Variants in FGF13 observed in about 807,000 individuals in gnomAD.
The protein encoded by FGF13 is fibroblast growth factor 13, also known as fibroblast growth factor homologous factor 2.
A neutral mutation model predicts 19.5 loss-of-function variants in FGF13; 2 were observed. That is an observed-to-expected ratio of 0.10 (90% CI 0.04 to 0.32). The LOEUF (loss-of-function observed/expected upper bound fraction) is 0.32. FGF13 is among the 10% of genes least tolerant of loss of function. The pLI is 1.00. For missense variants in FGF13, 113 were observed against 192.7 expected, an observed-to-expected ratio of 0.59 and a Z score of 2.45; for synonymous variants, 72 against 76.9, an observed-to-expected ratio of 0.94 and a Z score of 0.33.
chrX:138,774,126 TA>T (rs1453835407), intron 3 of FGF13, among the ~76,000 whole-genome samples: 2 of 111,586 alleles, frequency 1.8e-5, no homozygotes, highest in Non-Finnish European at 3.8e-5. Flanking sequence ...TAGGTAAGGG[TA>T]TTCCTACCCA....
intron 1 of FGF13, 92 bp downstream of exon 1, chrX:138,710,725 C>T (rs957350157): frequency 1.7e-6 from 2 of 1,151,227 alleles, no homozygotes; most frequent in East Asian, 6.0e-5. Context: ...AGATGGGCCA[C>T]CAACAAACTC....
intron 1 of FGF13, among the ~76,000 whole-genome samples, chrX:139,180,817 T>A (rs952956164): frequency 9.8e-5 from 11 of 111,680 alleles, no homozygotes; most frequent in African/African-American, 2.3e-4. Context: ...TGCCTCCAAA[T>A]ACATCCAGAA....
intron 3 of FGF13, among the ~76,000 whole-genome samples, chrX:138,820,664 T>C (rs2090993979): frequency 8.9e-6 from 1 of 111,986 alleles, no homozygotes; most frequent in South Asian, 3.7e-4. Context: ...AACTTACATC[T>C]GAAGGTAACG....
At chrX:138,876,902 T>A (rs757180220) in intron 1 of FGF13, among the ~76,000 whole-genome samples, 1 of 112,700 alleles carries the variant, frequency 8.9e-6, no homozygotes, top group Non-Finnish European at 1.9e-5. Flanking sequence ...TCAGAAAGGA[T>A]ACAACAAAAG....
chrX:139,000,071 C>T (rs774350681), intron 1 of FGF13, among the ~76,000 whole-genome samples: 1 of 111,872 alleles, frequency 8.9e-6, no homozygotes, highest in South Asian at 3.7e-4. Flanking sequence ...ATAAACAGAA[C>T]CAACAACAAA....
intron 1 of FGF13, among the ~76,000 whole-genome samples, chrX:138,966,646 T>G (rs1290975724): frequency 9.0e-6 from 1 of 111,655 alleles, no homozygotes; most frequent in Non-Finnish European, 1.9e-5. Flanking sequence ...AGATAAGACT[T>G]TGGACTTGGA....
chrX:138,694,374 G>A (rs1312060247), intron 3 of FGF13, among the ~76,000 whole-genome samples: 1 of 110,482 alleles, frequency 9.1e-6, no homozygotes, highest in Non-Finnish European at 1.9e-5. Flanking sequence ...TCCAGAAATT[G>A]CTGCCAGATC....
chrX:138,789,230 G>A (rs1003453004), intron 3 of FGF13, among the ~76,000 whole-genome samples: 13 of 110,262 alleles, frequency 1.2e-4, no homozygotes, highest in Non-Finnish European at 1.9e-4. Context: ...GTGCAATGGC[G>A]TGATCTCAGC....
At chrX:138,846,456 G>A (rs2091184415) in intron 3 of FGF13, among the ~76,000 whole-genome samples, 1 of 111,685 alleles carries the variant, frequency 9.0e-6, no homozygotes, top group Admixed American at 9.5e-5. Flanking sequence ...GAGAGAAGAA[G>A]CAAATAATTT....
At chrX:139,034,540 G>C (rs894198506) in intron 1 of FGF13, among the ~76,000 whole-genome samples, 1 of 111,211 alleles carries the variant, frequency 9.0e-6, no homozygotes, top group Non-Finnish European at 1.9e-5. Flanking sequence ...AGTTGAAAAA[G>C]TAAATAGGGG....
rs748231556 is a variant in FGF13 at position 139,020,273 on chromosome X, T to C, written c.-112-155623A>G. On this transcript the variant is annotated intron_variant, in intron 1 of 2. Transcript: ENST00000421460. ...CTTCTTCACAGACAGAAATTTGTAG[T>C]TGAGACTGCATAACCCATGGGGACA... is the stretch of plus-strand genomic sequence containing the variant. Among the ~76,000 whole-genome samples the C allele has an allele frequency of 4.5e-5, 5 of 111,640 alleles. No individual in the cohort carries two copies. The East Asian group carries it at 1.1e-3, about 25-fold the overall frequency.
chrX:139,082,436 G>A (rs1196916931), intron 1 of FGF13, among the ~76,000 whole-genome samples: 6 of 111,772 alleles, frequency 5.4e-5, no homozygotes, highest in African/African-American at 1.6e-4. Flanking sequence ...AAAATAGAGG[G>A]TCTTTTCAGA....
At chrX:138,979,751 G>C (rs751967590) in intron 1 of FGF13, among the ~76,000 whole-genome samples, 4 of 111,381 alleles carry the variant, frequency 3.6e-5, no homozygotes, top group Non-Finnish European at 7.5e-5. Context: ...ATATTGATGA[G>C]GCAGTGCCTT....
chrX:138,760,146 C>G (rs5974776), intron 3 of FGF13, among the ~76,000 whole-genome samples: 31,500 of 109,913 alleles, frequency 0.29, 3,501 homozygotes, highest in East Asian at 0.56. Flanking sequence ...GCCAGAGTTC[C>G]TAAACAATGC....
At chrX:138,779,620 A>C (rs1452968072) in intron 3 of FGF13, among the ~76,000 whole-genome samples, 2 of 111,062 alleles carry the variant, frequency 1.8e-5, no homozygotes, top group African/African-American at 6.6e-5. Context: ...GAGAAAAAAG[A>C]ATAAAAAGAA....
intron 3 of FGF13, among the ~76,000 whole-genome samples, chrX:138,690,868 A>G (rs950867628): frequency 9.0e-6 from 1 of 111,525 alleles, no homozygotes; most frequent in Admixed American, 9.5e-5. Context: ...CCTGTAGTAG[A>G]TCAACTATTA....
chrX:139,064,286 T>C lies in FGF13; in HGVS notation c.-113+139130A>G, dbSNP rs1479512663. Among the ~76,000 whole-genome samples the C allele has an allele frequency of 6.6e-3, 275 of 41,484 alleles. 16 individuals are homozygous for C. The highest frequency in any genetic ancestry group is 0.028 in the African/African-American group (221 of 7,840). 36.0% of individuals were successfully genotyped at this position (41,484 alleles called of 115,157 possible). A position where few individuals can be genotyped will look rare whatever the true frequency, so the allele number is the denominator to read the frequency against. Reference sequence around the variant, plus strand: ...GAGCAGAGTTCTTTTTTTTTCTTTTTTTTTTTTTTTTTTTTTTTTTTTTTT... The same window carrying C: ...GAGCAGAGTTCTTTTTTTTTCTTTTCTTTTTTTTTTTTTTTTTTTTTTTTT... On this transcript the variant is annotated intron_variant, in intron 1 of 2. Transcript: ENST00000421460.
intron 1 of FGF13, among the ~76,000 whole-genome samples, chrX:139,012,069 C>G (rs2124374526): frequency 9.0e-6 from 1 of 111,156 alleles, no homozygotes; most frequent in Admixed American, 9.6e-5. Flanking sequence ...AGAATCAACT[C>G]AAGAACTCAA....
intron 3 of FGF13, among the ~76,000 whole-genome samples, chrX:138,640,142 G>A (rs1434114781): frequency 1.8e-5 from 2 of 111,641 alleles, no homozygotes; most frequent in African/African-American, 6.5e-5. Context: ...CATTATTAAG[G>A]AGGAAATAAT....
Sources: gnomAD v4.1 joint callset for allele counts (sites outside exome capture counted in the v4.1 genomes callset) on GRCh38, gnomAD v4.1.1 for gene constraint, MANE v1.5 for transcripts, NCBI Gene and HGNC (gene_info 2026-07-23, HGNC 2026-07-21) for gene names.